Variants in KLHL13 observed in about 807,000 individuals in gnomAD.
KLHL13 encodes the protein kelch like family member 13.
Under a neutral mutation model 37.1 loss-of-function variants are expected in KLHL13, and 10 were observed. The observed-to-expected ratio is 0.27, with a 90% CI of 0.17 to 0.46. KLHL13 has a LOEUF of 0.46. KLHL13 is among the 20% of genes least tolerant of loss of function. The probability of loss-of-function intolerance (pLI) is 1.00; values close to 1 mark genes in which losing one functional copy is unlikely to be tolerated. For synonymous variants in KLHL13, 163 were observed against 181.2 expected, an observed-to-expected ratio of 0.90 and a Z score of 0.81; for missense variants, 360 against 509.3, an observed-to-expected ratio of 0.71 and a Z score of 2.82.
chrX:118,028,628 G>T, intron 1 of KLHL13, 131 bp from the exon 2 acceptor site: 1 of 310,867 alleles, frequency 3.2e-6, no homozygotes, highest in Non-Finnish European at 5.7e-6. Flanking sequence ...TGTACTTAAT[G>T]TTCATATTAC....
intron 1 of KLHL13, among the ~76,000 whole-genome samples, chrX:118,009,996 T>A (rs1012324329): frequency 2.7e-5 from 3 of 110,697 alleles, no homozygotes; most frequent in African/African-American, 9.9e-5. Flanking sequence ...AAAATGCTCA[T>A]CATCACTGGC....
At chrX:118,013,014 G>A (rs1409802199) in intron 1 of KLHL13, among the ~76,000 whole-genome samples, 1 of 111,779 alleles carries the variant, frequency 8.9e-6, no homozygotes, top group Non-Finnish European at 1.9e-5. Flanking sequence ...CAGACAGAGG[G>A]GAAATGGTTA....
intron 1 of KLHL13, among the ~76,000 whole-genome samples, chrX:118,004,811 T>A (rs1020349646): frequency 1.8e-5 from 2 of 111,567 alleles, no homozygotes; most frequent in Admixed American, 9.5e-5. Context: ...ATGGGACAAA[T>A]CAATATCAGG....
intron 4 of KLHL13, among the ~76,000 whole-genome samples, chrX:117,911,356 T>A (rs5910266): frequency 0.034 from 3,771 of 112,153 alleles, 68 homozygotes; most frequent in Non-Finnish European, 0.054. Context: ...GGATATAATA[T>A]CACTGAAATC....
At chrX:117,907,174 A>G (rs780118506) in intron 5 of KLHL13, among the ~76,000 whole-genome samples, 34 of 111,259 alleles carry the variant, frequency 3.1e-4, no homozygotes, top group Middle Eastern at 4.7e-3. Context: ...TGTATGAGCC[A>G]CTTGCCCAAC....
In KLHL13 at chrX:118,071,997, A is replaced by G. The variant is rs1426229380; in HGVS notation, c.-56+44511T>C. 6.1e-3 allele frequency among the ~76,000 whole-genome samples: 676 copies of G among 110,965 alleles called. 5 individuals are homozygous for G. Among genetic ancestry groups the G allele is most frequent in the African/African-American group, 0.019 (578 of 30,365 alleles). The stretch of plus-strand genomic sequence containing the variant: ...AAAACTACTTTAAAGTTCATATGGA[A>G]TCAAAAAAGAGCCTGCATCACCAAG... On this transcript the variant is annotated intron_variant, in intron 1 of 6. Transcript: ENST00000371882.
chrX:118,052,084 T>C (rs749274893), intron 1 of KLHL13, among the ~76,000 whole-genome samples: 40 of 111,520 alleles, frequency 3.6e-4, no homozygotes, highest in African/African-American at 1.2e-3. Flanking sequence ...AATGTGGCAA[T>C]TGAAATCAGT....
chrX:117,933,685 G>A (rs1409320572), intron 2 of KLHL13, among the ~76,000 whole-genome samples: 1 of 111,063 alleles, frequency 9.0e-6, no homozygotes, highest in African/African-American at 3.3e-5. Context: ...CTTCTTTATA[G>A]CAAAGTAGCA....
intron 1 of KLHL13, among the ~76,000 whole-genome samples, chrX:117,988,335 A>G (rs1414559952): frequency 9.0e-6 from 1 of 111,632 alleles, no homozygotes; most frequent in Non-Finnish European, 1.9e-5. Flanking sequence ...TCCATGTAAA[A>G]TACCATTGTG....
chrX:117,986,360 T>C (rs543750125), intron 1 of KLHL13, among the ~76,000 whole-genome samples: 2 of 111,745 alleles, frequency 1.8e-5, no homozygotes, highest in East Asian at 5.6e-4. Flanking sequence ...AAGAGTTCAA[T>C]ATTACTGAAA....
chrX:118,089,620 GAGAAAGAAAGAAAGAAAGAAAGAA>G (rs3046168), intron 1 of KLHL13, among the ~76,000 whole-genome samples: 3 of 71,918 alleles, frequency 4.2e-5, no homozygotes, highest in Non-Finnish European at 7.7e-5. Flanking sequence ...GAGAAAGAAA[GAGAAAGAAAGAAAGAAAGAAAGAA>G]AGAAAGAAAG....
chrX:117,959,963 A>C (rs917413235), intron 1 of KLHL13, among the ~76,000 whole-genome samples: 1 of 111,618 alleles, frequency 9.0e-6, no homozygotes. Context: ...AATTAAGCCC[A>C]ATTGCCCACA....
intron 5 of KLHL13, among the ~76,000 whole-genome samples, chrX:117,905,996 G>A (rs1244117638): frequency 9.0e-6 from 1 of 110,882 alleles, no homozygotes; most frequent in African/African-American, 3.3e-5. Flanking sequence ...GTGATATACT[G>A]GTACTAATCA....
intron 1 of KLHL13, among the ~76,000 whole-genome samples, chrX:118,043,457 T>C: frequency 9.0e-6 from 1 of 111,542 alleles, no homozygotes; most frequent in Non-Finnish European, 1.9e-5. Context: ...TAGGCCAATA[T>C]ATCTGATGAA....
At chrX:117,952,162 G>C (rs1305268503) in intron 1 of KLHL13, among the ~76,000 whole-genome samples, 2 of 111,773 alleles carry the variant, frequency 1.8e-5, no homozygotes, top group Non-Finnish European at 3.8e-5. Flanking sequence ...TGTACTACAA[G>C]ACTACAGTAA....
rs185554345 is a variant in KLHL13 at position 118,012,713 on chromosome X, T to C, written c.-55-67138A>G. On this transcript the variant is annotated intron_variant, in intron 1 of 6. Transcript: ENST00000371882. The stretch of plus-strand genomic sequence containing the variant: ...CAGGGGGCGGGGGTATTCTGTCTAC[T>C]GCTGGTAGTATTTGTCAGATTTCTT... Among the ~76,000 whole-genome samples the C allele has an allele frequency of 5.8e-3, 642 of 110,296 alleles. 4 individuals carry two copies. The highest frequency in any genetic ancestry group is 0.02 in the African/African-American group (596 of 30,240).
At chrX:118,020,343 T>G (rs1408349130) in intron 1 of KLHL13, among the ~76,000 whole-genome samples, 1 of 111,940 alleles carries the variant, frequency 8.9e-6, no homozygotes, top group Non-Finnish European at 1.9e-5. Flanking sequence ...ACATTGATTT[T>G]GTATCCTGAG....
At chrX:117,935,784 C>T (rs960057526) in intron 2 of KLHL13, among the ~76,000 whole-genome samples, 6 of 110,893 alleles carry the variant, frequency 5.4e-5, no homozygotes, top group South Asian at 4.0e-4. Flanking sequence ...CAATTTGACA[C>T]GAGATTTAGG....
At chrX:118,097,904 C>T (rs1407307752) in intron 1 of KLHL13, among the ~76,000 whole-genome samples, 2 of 111,297 alleles carry the variant, frequency 1.8e-5, no homozygotes, top group Non-Finnish European at 1.9e-5. Context: ...GGATCCCTTC[C>T]TTACACCTTA....
Sources: gnomAD v4.1 joint callset for allele counts (sites outside exome capture counted in the v4.1 genomes callset) on GRCh38, gnomAD v4.1.1 for gene constraint, MANE v1.5 for transcripts, NCBI Gene and HGNC (gene_info 2026-07-23, HGNC 2026-07-21) for gene names.